CTIF: variants seen among roughly 807,000 people sequenced by gnomAD.
CTIF encodes the protein cap binding complex dependent translation initiation factor, also known as CBP80/20-dependent translation initiation factor.
In CTIF, 21 loss-of-function variants were observed where a neutral mutation model predicts 66.0. That is an observed-to-expected ratio of 0.32 (90% CI 0.23 to 0.46). The LOEUF (loss-of-function observed/expected upper bound fraction) is 0.46. Among genes scored for constraint, CTIF ranks in the 20% least tolerant of loss-of-function variants. The probability of loss-of-function intolerance (pLI) is 1.00; values close to 1 mark genes in which losing one functional copy is unlikely to be tolerated. For synonymous variants in CTIF, 345 were observed against 326.4 expected, an observed-to-expected ratio of 1.06 and a Z score of -0.62; for missense variants, 739 against 812.7, an observed-to-expected ratio of 0.91 and a Z score of 1.10.
intron 6 of CTIF, among the ~76,000 whole-genome samples, chr18:48,681,431 CT>C (rs1192042875): frequency 2.0e-5 from 3 of 152,244 alleles, no homozygotes; most frequent in Non-Finnish European, 4.4e-5. Context: ...TGCTACCACT[CT>C]TTCCCTCCTT....
chr18:48,550,123 T>C (rs565398781), intron 1 of CTIF, among the ~76,000 whole-genome samples: 2 of 152,330 alleles, frequency 1.3e-5, no homozygotes, highest in African/African-American at 4.8e-5. Flanking sequence ...AGGTGTTCCA[T>C]GGATGCCTTT....
At chr18:48,698,083 A>C (rs1413489267) in intron 6 of CTIF, among the ~76,000 whole-genome samples, 1 of 124,336 alleles carries the variant, frequency 8.0e-6, no homozygotes, top group Non-Finnish European at 1.6e-5. Flanking sequence ...AAGTCAACTC[A>C]GTGGAAAATG....
At chr18:48,563,464 T>TTTTTGTTTTG (rs36232068) in intron 1 of CTIF, among the ~76,000 whole-genome samples, 6 of 152,152 alleles carry the variant, frequency 3.9e-5, no homozygotes, top group African/African-American at 1.4e-4. Context: ...TCTAAGGTTT[T>TTTTTGTTTTG]TTTTGTTTTG....
At chr18:48,588,722 T>G (rs974529290) in intron 1 of CTIF, among the ~76,000 whole-genome samples, 12 of 152,224 alleles carry the variant, frequency 7.9e-5, no homozygotes, top group African/African-American at 2.4e-4. Context: ...TTTATTGCTT[T>G]GATCCAAATT....
intron 9 of CTIF, among the ~76,000 whole-genome samples, chr18:48,789,783 T>A (rs2067752419): frequency 6.6e-6 from 1 of 152,182 alleles, no homozygotes; most frequent in South Asian, 2.1e-4. Context: ...ATTAGAAGTA[T>A]AAATTAAGGG....
intron 3 of CTIF, among the ~76,000 whole-genome samples, chr18:48,647,759 C>T (rs1053477739): frequency 6.6e-6 from 1 of 152,198 alleles, no homozygotes; most frequent in African/African-American, 2.4e-5. Context: ...CTTTCTCCCC[C>T]ACCCGCCCAC....
chr18:48,555,489 G>A (rs1293231298), intron 1 of CTIF, among the ~76,000 whole-genome samples: 1 of 152,208 alleles, frequency 6.6e-6, no homozygotes, highest in Non-Finnish European at 1.5e-5. Context: ...TGACTGTGAT[G>A]GGGATTGGGG....
chr18:48,794,791 G>A (rs1185722717), intron 9 of CTIF, among the ~76,000 whole-genome samples: 7 of 152,174 alleles, frequency 4.6e-5, no homozygotes, highest in Admixed American at 4.6e-4. Flanking sequence ...ATTTCAGAAG[G>A]CAGCCTCGGA....
chr18:48,688,968 A>G (rs1568137378), intron 6 of CTIF, among the ~76,000 whole-genome samples: 1 of 152,238 alleles, frequency 6.6e-6, no homozygotes, highest in East Asian at 1.9e-4. Flanking sequence ...GCAAGACCAC[A>G]TAAGCTGCTA....
At chr18:48,730,622 T>C (rs1476241009) in intron 7 of CTIF, among the ~76,000 whole-genome samples, 1 of 110,778 alleles carries the variant, frequency 9.0e-6, no homozygotes, top group Non-Finnish European at 1.9e-5. Context: ...GAGGGGCTCC[T>C]GCGGTGTGAG....
intron 6 of CTIF, among the ~76,000 whole-genome samples, chr18:48,706,018 G>A (rs112888154): frequency 5.3e-5 from 8 of 152,224 alleles, no homozygotes; most frequent in African/African-American, 1.9e-4. Flanking sequence ...GTTGCATGGC[G>A]GGCCCCCTAC....
intron 2 of CTIF, among the ~76,000 whole-genome samples, chr18:48,623,206 CCTGTGTGGTGTGACATTTGGATGCATTCT>C (rs1239308255): frequency 2.0e-5 from 3 of 152,236 alleles, no homozygotes; most frequent in African/African-American, 7.2e-5. Context: ...GTGGAGAACA[CCTGTGTGGTGTGACATTTGGATGCATTCT>C]CTAAACTTTC....
intron 7 of CTIF, among the ~76,000 whole-genome samples, chr18:48,722,205 G>C (rs2092344342): frequency 1.6e-5 from 2 of 126,840 alleles, no homozygotes; most frequent in Admixed American, 1.6e-4. Flanking sequence ...CTGGCCCTGT[G>C]CTTTTTTTTT....
chr18:48,709,348 C>T (rs760020702), intron 6 of CTIF, among the ~76,000 whole-genome samples: 1 of 152,228 alleles, frequency 6.6e-6, no homozygotes. Flanking sequence ...TGAGAAGCCC[C>T]GAGTGGCCCG....
At chr18:48,762,142 C>T (rs1909072808) in intron 9 of CTIF, among the ~76,000 whole-genome samples, 3 of 152,206 alleles carry the variant, frequency 2.0e-5, no homozygotes, top group Admixed American at 2.0e-4. Flanking sequence ...TTGAGTAAAG[C>T]CACACATGAG....
chr18:48,846,269 A>G (rs895600637), intron 10 of CTIF, among the ~76,000 whole-genome samples: 10 of 152,214 alleles, frequency 6.6e-5, no homozygotes, highest in African/African-American at 2.4e-4. Context: ...CTCATGCCAT[A>G]TGCCTGGAGT....
intron 9 of CTIF, among the ~76,000 whole-genome samples, chr18:48,798,674 C>T (rs1231279702): frequency 6.6e-6 from 1 of 152,202 alleles, no homozygotes; most frequent in African/African-American, 2.4e-5. Flanking sequence ...ATGCGCTCCC[C>T]AGTATTTCTC....
At chr18:48,631,459 G>A (rs1364924740) in intron 2 of CTIF, among the ~76,000 whole-genome samples, 4 of 152,216 alleles carry the variant, frequency 2.6e-5, no homozygotes, top group Non-Finnish European at 4.4e-5. Flanking sequence ...GTGAGACTCC[G>A]TCTCAAAAAC....
intron 1 of CTIF, among the ~76,000 whole-genome samples, chr18:48,540,548 C>T (rs1299471303): frequency 6.7e-6 from 1 of 149,408 alleles, no homozygotes; most frequent in Non-Finnish European, 1.5e-5. Context: ...GTTATCTGGG[C>T]GGCGTTGGCT....
Sources: allele counts gnomAD v4.1 joint callset (sites outside exome capture counted in the v4.1 genomes callset), GRCh38; gene constraint gnomAD v4.1.1; transcripts MANE v1.5; gene names NCBI Gene and HGNC (gene_info 2026-07-23, HGNC 2026-07-21).